Variants in NEAT1 observed in about 807,000 individuals in gnomAD.
NEAT1 encodes the protein MENepsilon/beta.
At chr11:65,426,652 A>G (rs543883555) in exon 1 of NEAT1, 21 of 152,304 alleles carry the variant, frequency 1.4e-4, no homozygotes, top group Non-Finnish European at 2.1e-4. Context: ...AATTAAGGCC[A>G]TGTAGGAGAG....
At chr11:65,436,570 T>C (rs1001200330) in exon 1 of NEAT1, 1 of 152,272 alleles carries the variant, frequency 6.6e-6, no homozygotes, top group Non-Finnish European at 1.5e-5. Context: ...CTGCAGTTTC[T>C]TTCCAGAGAA....
exon 1 of NEAT1, chr11:65,444,352 G>A (rs919179391): frequency 7.0e-5 from 31 of 441,998 alleles, no homozygotes; most frequent in Non-Finnish European, 1.4e-4. Context: ...GAAATGGGGG[G>A]CTGATTCTGC....
chr11:65,423,705 C>T (rs1856527197), exon 1 of NEAT1: 1 of 152,268 alleles, frequency 6.6e-6, no homozygotes, highest in Non-Finnish European at 1.5e-5. Context: ...CCTTCTTCCT[C>T]CCTTTAACTT....
At chr11:65,435,540 G>A (rs1212333686) in exon 1 of NEAT1, 2 of 152,118 alleles carry the variant, frequency 1.3e-5, no homozygotes, top group Non-Finnish European at 2.9e-5. Flanking sequence ...AGTGTGCTGC[G>A]GGGATCTCTT....
chr11:65,429,583 G>A (rs1300116303), exon 1 of NEAT1: 1 of 151,814 alleles, frequency 6.6e-6, no homozygotes, highest in Admixed American at 6.6e-5. Context: ...TACATCTTAA[G>A]GATATTGATA....
chr11:65,444,081 A>T (rs1856741187), exon 1 of NEAT1: 1 of 214,146 alleles, frequency 4.7e-6, no homozygotes, highest in Non-Finnish European at 9.5e-6. Flanking sequence ...CCCGCACCAT[A>T]GTGTGTTTGG....
exon 1 of NEAT1, chr11:65,429,557 T>C (rs1225647131): frequency 6.6e-6 from 1 of 152,074 alleles, no homozygotes; most frequent in Non-Finnish European, 1.5e-5. Context: ...CTATTGATTG[T>C]TTTGCAAAAG....
At chr11:65,436,003 G>C (rs1025623295) in exon 1 of NEAT1, 1 of 152,210 alleles carries the variant, frequency 6.6e-6, no homozygotes, top group Non-Finnish European at 1.5e-5. Context: ...CCTGGTCTGG[G>C]AAGGAGTGCT....
At chr11:65,431,246 T>G (rs1856611560) in exon 1 of NEAT1, 1 of 152,188 alleles carries the variant, frequency 6.6e-6, no homozygotes, top group African/African-American at 2.4e-5. Context: ...CCAAATAATA[T>G]TCTTATTTTA....
exon 1 of NEAT1, chr11:65,428,995 C>T (rs1216479132): frequency 6.6e-6 from 1 of 152,034 alleles, no homozygotes; most frequent in Non-Finnish European, 1.5e-5. Context: ...GGGATTATGC[C>T]ATAAATTCTA....
exon 1 of NEAT1, chr11:65,426,825 A>G (rs1856566755): frequency 6.6e-6 from 1 of 152,210 alleles, no homozygotes; most frequent in South Asian, 2.1e-4. Flanking sequence ...GTACTTTGCC[A>G]TAATATTTTA....
exon 1 of NEAT1, chr11:65,429,661 A>G (rs1856597116): frequency 6.6e-6 from 1 of 152,124 alleles, no homozygotes; most frequent in Admixed American, 6.5e-5. Flanking sequence ...TTTGTGTTTC[A>G]GGTAGATAAA....
exon 1 of NEAT1, chr11:65,425,992 TA>T (rs1856557378): frequency 6.6e-6 from 1 of 152,154 alleles, no homozygotes; most frequent in South Asian, 2.1e-4. Flanking sequence ...AACTATCACC[TA>T]AAATCAGTTT....
At chr11:65,439,079 A>G (rs1856691265) in exon 1 of NEAT1, 1 of 152,136 alleles carries the variant, frequency 6.6e-6, no homozygotes, top group African/African-American at 2.4e-5. Flanking sequence ...TAATCATTCT[A>G]ATGAGTGTGA....
At chr11:65,444,767 G>A (rs566630457) in exon 1 of NEAT1, 105 of 296,146 alleles carry the variant, frequency 3.5e-4, no homozygotes, top group South Asian at 2.9e-3. Context: ...CAAGTGACAG[G>A]AGAAAGGCTG....
exon 1 of NEAT1, chr11:65,444,263 CTGTGTGTGTGTG>C (rs66756887): frequency 0.099 from 24,977 of 253,450 alleles, 871 homozygotes; most frequent in Admixed American, 0.19. Flanking sequence ...AGTCCTCAGA[CTGTGTGTGTGTG>C]TGTGTGTGTG....
At chr11:65,444,882 C>T (rs139051545) in exon 1 of NEAT1, 2 of 221,684 alleles carry the variant, frequency 9.0e-6, no homozygotes, top group East Asian at 1.5e-4. Context: ...GCGAGGCAGG[C>T]GGGCGTCTGC....
chr11:65,427,007 A>C (rs1466961912), exon 1 of NEAT1: 1 of 152,044 alleles, frequency 6.6e-6, no homozygotes, highest in Non-Finnish European at 1.5e-5. Context: ...TCACTAAAGA[A>C]TTTGCCTTGT....
At chr11:65,444,361 G>T (rs910346282) in exon 1 of NEAT1, 3 of 450,466 alleles carry the variant, frequency 6.7e-6, no homozygotes, top group Non-Finnish European at 1.4e-5. Context: ...GGCTGATTCT[G>T]CTCAGATTCA....
Sources: allele counts gnomAD v4.1 joint callset, GRCh38; gene constraint gnomAD v4.1.1; transcripts MANE v1.5; gene names NCBI Gene and HGNC (gene_info 2026-07-23, HGNC 2026-07-21).